CACNB2: variants seen among roughly 807,000 people sequenced by gnomAD.
CACNB2 encodes the protein calcium voltage-gated channel auxiliary subunit beta 2, also known as voltage-dependent L-type calcium channel subunit beta-2.
A neutral mutation model predicts 73.3 loss-of-function variants in CACNB2; 42 were observed. The ratio of observed to expected loss-of-function variants is 0.57; its 90% CI spans 0.45 to 0.74. CACNB2 has a LOEUF of 0.74. Ranked by LOEUF, CACNB2 falls within the 30% of genes least tolerant of loss-of-function variation. The pLI, the probability that CACNB2 is intolerant of heterozygous loss-of-function variation, is 0.00. For missense variants in CACNB2, 940 were observed against 853.0 expected (o/e 1.10, Z -1.27); for synonymous variants, 348 against 310.3 (o/e 1.12, Z -1.28).
At chr10:18,322,830 T>A (rs962430256) in intron 2 of CACNB2, among the ~76,000 whole-genome samples, 2 of 152,102 alleles carry the variant, frequency 1.3e-5, no homozygotes. Flanking sequence ...GTGTATTAAA[T>A]TTAAAGGTCT....
At chr10:18,418,494 G>A (rs185446488) in intron 3 of CACNB2, among the ~76,000 whole-genome samples, 2 of 152,172 alleles carry the variant, frequency 1.3e-5, no homozygotes, top group African/African-American at 4.8e-5. Flanking sequence ...TTGAGTCCTC[G>A]TGGATGAACT....
chr10:18,356,639 A>T (rs1279256090), intron 2 of CACNB2, among the ~76,000 whole-genome samples: 9 of 144,230 alleles, frequency 6.2e-5, no homozygotes, highest in African/African-American at 2.3e-4. Flanking sequence ...TTTCTCCTTC[A>T]TTTTTTTTTT....
chr10:18,378,650 C>G (rs2042895608), intron 2 of CACNB2, among the ~76,000 whole-genome samples: 1 of 152,040 alleles, frequency 6.6e-6, no homozygotes, highest in Non-Finnish European at 1.5e-5. Context: ...ACTCGGGAGG[C>G]CGAGGTGGGA....
At chr10:18,235,160 C>T (rs1277756) in intron 2 of CACNB2, among the ~76,000 whole-genome samples, 128,165 of 147,012 alleles carry the variant, frequency 0.87, 56,003 homozygotes, top group African/African-American at 0.97. Flanking sequence ...AAAAAAAAAA[C>T]AGTTAAAAGG....
intron 12 of CACNB2, among the ~76,000 whole-genome samples, chr10:18,537,743 C>G (rs2053742285): frequency 6.6e-6 from 1 of 152,174 alleles, no homozygotes; most frequent in Non-Finnish European, 1.5e-5. Context: ...GGCCACTGCA[C>G]TCCAGCCTGG....
intron 2 of CACNB2, among the ~76,000 whole-genome samples, chr10:18,152,995 C>G (rs574342191): frequency 4.6e-5 from 7 of 152,192 alleles, no homozygotes; most frequent in African/African-American, 1.7e-4. Context: ...TTTTAATAAC[C>G]CAATTCACAT....
chr10:18,344,977 T>C (rs2041388002), intron 2 of CACNB2, among the ~76,000 whole-genome samples: 1 of 152,186 alleles, frequency 6.6e-6, no homozygotes, highest in African/African-American at 2.4e-5. Context: ...TTCAACCTTA[T>C]TTTGAGATCA....
intron 3 of CACNB2, among the ~76,000 whole-genome samples, chr10:18,414,926 C>G (rs183005729): frequency 6.6e-6 from 1 of 152,152 alleles, no homozygotes. Flanking sequence ...AAACAGTCAA[C>G]CCTCTCTGTT....
intron 2 of CACNB2, among the ~76,000 whole-genome samples, chr10:18,316,252 T>C (rs2040178922): frequency 6.6e-6 from 1 of 152,186 alleles, no homozygotes; most frequent in Non-Finnish European, 1.5e-5. Context: ...AGTATTAGCA[T>C]CTACTTATTC....
intron 3 of CACNB2, among the ~76,000 whole-genome samples, chr10:18,470,775 T>G (rs1369116703): frequency 6.6e-6 from 1 of 152,164 alleles, no homozygotes; most frequent in Non-Finnish European, 1.5e-5. Flanking sequence ...TGTTGCAATC[T>G]TTCTCAAATG....
intron 2 of CACNB2, among the ~76,000 whole-genome samples, chr10:18,310,907 G>A (rs999563551): frequency 1.3e-4 from 20 of 151,882 alleles, no homozygotes; most frequent in East Asian, 3.9e-4. Flanking sequence ...TTCTGTTTTG[G>A]TTTACAAACC....
chr10:18,162,931 C>A (rs765644099), intron 2 of CACNB2, among the ~76,000 whole-genome samples: 1 of 152,094 alleles, frequency 6.6e-6, no homozygotes, highest in East Asian at 1.9e-4. Context: ...TGGTAAATAC[C>A]GGTAGGCTCA....
chr10:18,324,143 A>G (rs746256709), intron 2 of CACNB2, among the ~76,000 whole-genome samples: 1 of 152,210 alleles, frequency 6.6e-6, no homozygotes, highest in Non-Finnish European at 1.5e-5. Flanking sequence ...TCAACTATTA[A>G]TTAGGTACCA....
intron 2 of CACNB2, among the ~76,000 whole-genome samples, chr10:18,195,330 G>A (rs997202286): frequency 6.6e-6 from 1 of 152,166 alleles, no homozygotes; most frequent in Admixed American, 6.5e-5. Flanking sequence ...TCTCATACCA[G>A]TTGAGGAAAT....
At chr10:18,311,752 T>A (rs1299393230) in intron 2 of CACNB2, among the ~76,000 whole-genome samples, 1 of 152,066 alleles carries the variant, frequency 6.6e-6, no homozygotes, top group East Asian at 1.9e-4. Flanking sequence ...ATGAAGGAAA[T>A]CTTCATACAT....
chr10:18,502,700 A>C (rs933030607), intron 5 of CACNB2, among the ~76,000 whole-genome samples: 10 of 113,586 alleles, frequency 8.8e-5, no homozygotes, highest in African/African-American at 2.0e-4. Context: ...AAAAAAAAAA[A>C]AAAAAAAAAA....
chr10:18,391,628 A>G (rs1248115714), intron 2 of CACNB2, among the ~76,000 whole-genome samples: 1 of 152,086 alleles, frequency 6.6e-6, no homozygotes, highest in African/African-American at 2.4e-5. Context: ...ATATGTTAGA[A>G]GGTAAAAACA....
At position 18,539,564 on chromosome 10, in the gene CACNB2, G is replaced by A. The variant is rs771011929; in HGVS notation, c.1823G>A (p.Arg608His). The stretch of plus-strand genomic sequence containing the variant: ...CACAGACACAGGGAGTCCCGGCACC[G>A]TTCCCGGGACGTGGATCGAGAGCAG... ...SDHRHRESRH[R>H]SRDVDREQDH... The change falls in exon 14 of 14, where the codon CGT becomes CAT. Residue 608 changes from arginine to histidine, a missense_variant. Transcript: ENST00000324631. 13 of 1,613,664 alleles carry A rather than the reference G, an allele frequency of 8.1e-6. No individual in the cohort carries two copies. The highest frequency in any genetic ancestry group is 2.7e-5 in the African/African-American group (2 of 74,782).
chr10:18,366,698 G>A (rs1589152255), intron 2 of CACNB2, among the ~76,000 whole-genome samples: 1 of 151,566 alleles, frequency 6.6e-6, no homozygotes, highest in South Asian at 2.1e-4. Context: ...AAAATTAGCC[G>A]GAAATCACTT....
Sources: allele counts gnomAD v4.1 joint callset (sites outside exome capture counted in the v4.1 genomes callset), GRCh38; gene constraint gnomAD v4.1.1; transcripts MANE v1.5; gene names NCBI Gene and HGNC (gene_info 2026-07-23, HGNC 2026-07-21).